The following AGMO variants were observed in gnomAD, a reference collection of about 807,000 sequenced individuals.
The protein encoded by AGMO is alkylglycerol monooxygenase.
AGMO carries 75 observed loss-of-function variants against 60.2 expected under a neutral mutation model. The observed-to-expected ratio is 1.25, with a 90% CI of 1.03 to 1.51. The LOEUF is 1.51. Ranked by LOEUF, AGMO falls within the 40% of genes most tolerant of loss-of-function variation. The pLI is 0.00. For synonymous variants in AGMO, 261 were observed against 177.1 expected (o/e 1.47, Z -3.76); for missense variants, 763 against 525.5 (o/e 1.45, Z -4.42).
chr7:15,197,853 G>GACATCGTGGAATGGGGAA (rs1166007210), downstream of AGMO, among the ~76,000 whole-genome samples: 28 of 152,150 alleles, frequency 1.8e-4, no homozygotes, highest in Non-Finnish European at 2.4e-4. Context: ...TCAGATGTCT[G>GACATCGTGGAATGGGGAA]ACATCGTGGA....
At position 15,209,586 on chromosome 7, in the gene AGMO, C is replaced by T. The variant is rs557834702; in HGVS notation, c.1264-8227G>A. Among the ~76,000 whole-genome samples the T allele has an allele frequency of 1.4e-4, 22 of 152,292 alleles. No homozygotes were observed. The South Asian group carries it at 4.3e-3, about 30-fold the overall frequency. On this transcript the variant is annotated intron_variant, in intron 12 of 12. Coordinates refer to ENST00000342526, the MANE Select transcript of AGMO (RefSeq NM_001004320.2). ...ATACGCTAATAGAAGGCCAGCAGCC[C>T]ACATACGGCTTGCAGCTTGGGGGAT...
At chr7:15,256,861 T>C (rs1163490412) in intron 12 of AGMO, among the ~76,000 whole-genome samples, 3 of 152,192 alleles carry the variant, frequency 2.0e-5, no homozygotes, top group Non-Finnish European at 4.4e-5. Flanking sequence ...AATTCTAAGA[T>C]GGCATGGGAA....
At chr7:15,394,086 AAGAG>A in intron 6 of AGMO, 23 bp downstream of exon 6, 1 of 1,550,540 alleles carries the variant, frequency 6.4e-7, no homozygotes, top group Non-Finnish European at 8.9e-7. Flanking sequence ...AAATGAAGAA[AAGAG>A]AGAAGAAACA....
chr7:15,128,625 A>C, the AGMO span, among the ~76,000 whole-genome samples: 2 of 152,084 alleles, frequency 1.3e-5, no homozygotes, highest in South Asian at 4.1e-4. Flanking sequence ...GTAAAAGTAT[A>C]TAAGTATATA....
downstream of AGMO, among the ~76,000 whole-genome samples, chr7:15,197,193 C>A (rs1781139515): frequency 1.3e-5 from 2 of 151,774 alleles, no homozygotes; most frequent in Admixed American, 1.3e-4. Flanking sequence ...TCTTGGGTTT[C>A]TGGAGTCTAT....
intron 3 of AGMO, among the ~76,000 whole-genome samples, chr7:15,471,216 C>A (rs1782443335): frequency 1.3e-5 from 2 of 151,920 alleles, no homozygotes; most frequent in Non-Finnish European, 2.9e-5. Context: ...GATCTCACAA[C>A]TCTGCAAGCT....
chr7:15,463,440 C>T (rs1332394255), intron 3 of AGMO, among the ~76,000 whole-genome samples: 1 of 152,116 alleles, frequency 6.6e-6, no homozygotes, highest in African/African-American at 2.4e-5. Flanking sequence ...ACACACTCAC[C>T]CAAACTGGCG....
rs1294916711 is a variant in AGMO at position 15,362,829 on chromosome 7, A to G, written c.1263+2685T>C. Among the ~76,000 whole-genome samples the G allele has an allele frequency of 2.0e-5, 3 of 152,320 alleles. No individual in the cohort carries two copies. In the East Asian group the frequency reaches 5.8e-4, roughly 29 times the overall value. On this transcript the variant is annotated intron_variant, in intron 12 of 12. Transcript: ENST00000342526. ...TTTACTATAGCTCTTTACATTTTCCAAGCTACTTTTGCTATATTTTGCCAC... is the reference window on the plus strand; with the variant it reads ...TTTACTATAGCTCTTTACATTTTCCGAGCTACTTTTGCTATATTTTGCCAC...
the AGMO span, among the ~76,000 whole-genome samples, chr7:15,182,312 A>G: frequency 2.0e-5 from 3 of 152,364 alleles, no homozygotes; most frequent in African/African-American, 7.2e-5. Flanking sequence ...AATACATTTA[A>G]TGCCACAGAA....
At chr7:15,403,480 A>G (rs1470208552) in intron 5 of AGMO, among the ~76,000 whole-genome samples, 1 of 151,502 alleles carries the variant, frequency 6.6e-6, no homozygotes, top group African/African-American at 2.4e-5. Flanking sequence ...AATGTCTACT[A>G]ATTTATGTAT....
chr7:15,129,915 A>G, the AGMO span, among the ~76,000 whole-genome samples: 1 of 152,112 alleles, frequency 6.6e-6, no homozygotes, highest in African/African-American at 2.4e-5. Context: ...TAAATGCCTG[A>G]TATTATCTAA....
Position 15,508,326 on chromosome 7 carries a change from TA to T in AGMO, c.409+36445del, listed in dbSNP as rs779748524. Among the ~76,000 whole-genome samples, 148 of 152,300 alleles carry T rather than the reference TA, an allele frequency of 9.7e-4. 1 individual carries two copies. Among genetic ancestry groups the T allele is most frequent in the South Asian group, 1.9e-3 (9 of 4,830 alleles). ...ATTGTCTGGGATGTAGTAAAAACAA[TA>T]ACTTACATTCAGCTGCGATGAATCA... is the stretch of plus-strand genomic sequence containing the variant. On this transcript the variant is annotated intron_variant, in intron 3 of 12. Transcript: ENST00000342526.
chr7:15,411,020 G>C (rs1424182921), intron 5 of AGMO, among the ~76,000 whole-genome samples: 1 of 151,928 alleles, frequency 6.6e-6, no homozygotes, highest in East Asian at 1.9e-4. Context: ...GATGTGATTA[G>C]GTCATTAGGG....
chr7:15,219,138 A>G (rs1050076206), intron 12 of AGMO, among the ~76,000 whole-genome samples: 2 of 152,194 alleles, frequency 1.3e-5, no homozygotes, highest in Non-Finnish European at 2.9e-5. Flanking sequence ...GGTGAAGATT[A>G]AAATACTTAT....
rs181133517 is a variant in AGMO, at chr7:15,387,767, A to G, written c.823-227T>C. 2.0e-5 allele frequency among the ~76,000 whole-genome samples: 3 copies of G among 152,336 alleles called. No individual in the cohort carries two copies. The East Asian group carries it at 5.8e-4, about 29-fold the overall frequency. ...AATATATCTAAAGTTCAATAAAATTATAATTTTGAAATGTAAAAACAGGGC... is the reference window on the plus strand; with the variant it reads ...AATATATCTAAAGTTCAATAAAATTGTAATTTTGAAATGTAAAAACAGGGC... On this transcript the variant is annotated intron_variant, in intron 8 of 12. Coordinates refer to ENST00000342526, the MANE Select transcript of AGMO (RefSeq NM_001004320.2).
chr7:15,235,814 C>T (rs1432432024), intron 12 of AGMO, among the ~76,000 whole-genome samples: 1 of 152,124 alleles, frequency 6.6e-6, no homozygotes, highest in African/African-American at 2.4e-5. Flanking sequence ...TAATTCAAAA[C>T]ATTACTTTTA....
At chr7:15,140,586 CT>C in the AGMO span, among the ~76,000 whole-genome samples, 3 of 152,022 alleles carry the variant, frequency 2.0e-5, no homozygotes, top group African/African-American at 7.2e-5. Flanking sequence ...TCCTTGCTTC[CT>C]TGTGCCATAT....
intron 5 of AGMO, among the ~76,000 whole-genome samples, chr7:15,394,923 A>G (rs367867743): frequency 6.6e-6 from 1 of 152,210 alleles, no homozygotes; most frequent in Non-Finnish European, 1.5e-5. Context: ...CTGGTGCCTA[A>G]TTCTCACATT....
At chr7:15,303,390 T>C (rs1242212698) in intron 12 of AGMO, among the ~76,000 whole-genome samples, 1 of 151,738 alleles carries the variant, frequency 6.6e-6, no homozygotes, top group Admixed American at 6.6e-5. Context: ...AAGATGAATG[T>C]CTAATTGTGT....
Sources: gnomAD v4.1 joint callset for allele counts (sites outside exome capture counted in the v4.1 genomes callset) on GRCh38, gnomAD v4.1.1 for gene constraint, MANE v1.5 for transcripts, NCBI Gene and HGNC (gene_info 2026-07-23, HGNC 2026-07-21) for gene names.